Variants in CLCN3 observed in about 807,000 individuals in gnomAD.
The protein encoded by CLCN3 is H(+)/Cl(-) exchange transporter 3.
CLCN3 carries 16 observed loss-of-function variants against 83.4 expected under a neutral mutation model. The observed-to-expected ratio is 0.19, with a 90% CI of 0.13 to 0.29. CLCN3 has a LOEUF of 0.29. Ranked by LOEUF, CLCN3 falls within the 10% of genes least tolerant of loss-of-function variation. The pLI is 1.00. For missense variants in CLCN3, 544 were observed against 1,006.0 expected, an observed-to-expected ratio of 0.54 and a Z score of 6.21; for synonymous variants, 322 against 346.2, an observed-to-expected ratio of 0.93 and a Z score of 0.78.
chr4:169,704,749 CTGTT>C (rs1732925881), intron 10 of CLCN3, among the ~76,000 whole-genome samples: 1 of 152,082 alleles, frequency 6.6e-6, no homozygotes, highest in Admixed American at 6.5e-5. Context: ...TATTTAATGT[CTGTT>C]AGGGCAGGAA....
intron 9 of CLCN3, among the ~76,000 whole-genome samples, chr4:169,703,034 A>C (rs1182727844): frequency 6.6e-6 from 1 of 152,186 alleles, no homozygotes; most frequent in Non-Finnish European, 1.5e-5. Flanking sequence ...CACATACAAC[A>C]CTTATTAAGT....
chr4:169,687,814 TC>T (rs1257054637), intron 4 of CLCN3, 57 bp downstream of exon 4: 9 of 856,672 alleles, frequency 1.1e-5, no homozygotes, highest in Non-Finnish European at 1.6e-5. Flanking sequence ...AAACTGTTCT[TC>T]CCTCCTTCCC....
At chr4:169,669,076 G>A (rs1451869984) in intron 2 of CLCN3, among the ~76,000 whole-genome samples, 1 of 152,160 alleles carries the variant, frequency 6.6e-6, no homozygotes, top group African/African-American at 2.4e-5. Context: ...GAGATACCAA[G>A]TGGGCAAAAC....
chr4:169,713,220 A>C lies in CLCN3; in HGVS notation c.2291A>C (p.Asp764Ala). ...GACATGAGCCCTTTTACAGTGACAGACCACACCCCAATGGAGATCGTGGTG... is the reference window on the plus strand; with the variant it reads ...GACATGAGCCCTTTTACAGTGACAGCCCACACCCCAATGGAGATCGTGGTG... ...ILDMSPFTVTDHTPMEIVVDI... is the reference protein window; with the variant it reads ...ILDMSPFTVTAHTPMEIVVDI... The change falls in exon 12 of 13, where the codon GAC (aspartate) becomes GCC (alanine). Residue 764 changes from aspartate to alanine, a missense_variant. By Grantham distance (126) the Asp-to-Ala change is moderately radical. Coordinates refer to ENST00000513761, the MANE Select transcript of CLCN3 (RefSeq NM_001829.4). The C allele has an allele frequency of 6.2e-7, 1 of 1,614,124 alleles. No individual in the cohort carries two copies. The highest frequency in any genetic ancestry group is 8.5e-7 in the Non-Finnish European group (1 of 1,179,994).
chr4:169,722,184 C>A lies in CLCN3; in HGVS notation c.*2187C>A, dbSNP rs1733660479. The stretch of plus-strand genomic sequence containing the variant: ...TTTACATTTTGAAAGTGATTCTTCA[C>A]TTCCTAGTTCTTAATTATAGTATAC... On this transcript the variant is annotated 3_prime_UTR_variant, in exon 13 of 13. Coordinates refer to ENST00000513761, the MANE Select transcript of CLCN3 (RefSeq NM_001829.4). 1.3e-5 allele frequency: 2 copies of A among 152,206 alleles called. No homozygotes were observed. Among genetic ancestry groups the A allele is most frequent in the African/African-American group, 2.4e-5 (1 of 41,452 alleles). The allele number at this position is 152,206 out of a possible 1,614,324, so 9.4% of individuals were successfully genotyped here.
chr4:169,658,110 C>G (rs1730939976), intron 2 of CLCN3, among the ~76,000 whole-genome samples: 1 of 152,046 alleles, frequency 6.6e-6, no homozygotes, highest in Non-Finnish European at 1.5e-5. Context: ...TTTGTTTAAA[C>G]AGTGTGGAAT....
At chr4:169,679,515 A>G (rs1373352545) in intron 2 of CLCN3, among the ~76,000 whole-genome samples, 6 of 152,290 alleles carry the variant, frequency 3.9e-5, no homozygotes, top group East Asian at 1.9e-4. Context: ...CTGCAATCTC[A>G]GCACTTTGGG....
intron 5 of CLCN3, among the ~76,000 whole-genome samples, chr4:169,689,614 AG>A (rs1337219340): frequency 2.0e-5 from 3 of 152,246 alleles, no homozygotes; most frequent in African/African-American, 7.2e-5. Context: ...CAACCTACGT[AG>A]AGATACATTG....
chr4:169,626,804 C>G (rs1307781765), intron 1 of CLCN3, among the ~76,000 whole-genome samples: 1 of 152,100 alleles, frequency 6.6e-6, no homozygotes, highest in East Asian at 1.9e-4. Context: ...ATAGTGAAAT[C>G]CTGTCTCTAC....
At chr4:169,637,107 A>G (rs922193504) in intron 2 of CLCN3, among the ~76,000 whole-genome samples, 2 of 151,988 alleles carry the variant, frequency 1.3e-5, no homozygotes, top group Admixed American at 6.6e-5. Context: ...ATTTATGTTT[A>G]CTTGATGATT....
chr4:169,708,884 T>C (rs1733090306), intron 11 of CLCN3, among the ~76,000 whole-genome samples: 1 of 151,218 alleles, frequency 6.6e-6, no homozygotes, highest in Non-Finnish European at 1.5e-5. Context: ...TGTATGTTTT[T>C]GTAAAGTTTT....
At chr4:169,663,532 GTC>G (rs1731140911) in intron 2 of CLCN3, 1 of 296,420 alleles carries the variant, frequency 3.4e-6, no homozygotes, top group African/African-American at 2.4e-5. Context: ...TTTAGGGAGA[GTC>G]TCACTATGTT....
intron 12 of CLCN3, among the ~76,000 whole-genome samples, chr4:169,716,588 T>A (rs939527666): frequency 7.9e-5 from 12 of 152,168 alleles, no homozygotes; most frequent in South Asian, 4.1e-4. Flanking sequence ...TTATATATAG[T>A]GCATTTTCTG....
At chr4:169,625,875 G>C (rs1366310147) in intron 1 of CLCN3, among the ~76,000 whole-genome samples, 1 of 152,168 alleles carries the variant, frequency 6.6e-6, no homozygotes, top group African/African-American at 2.4e-5. Flanking sequence ...TAACACAGAA[G>C]ACTTCTGTGA....
In CLCN3 at chr4:169,723,570, G is replaced by A. The variant is rs1185329748; in HGVS notation, c.*3573G>A. 2.0e-5 allele frequency: 3 copies of A among 152,046 alleles called. No homozygotes were observed. Among genetic ancestry groups the A allele is most frequent in the Non-Finnish European group, 2.9e-5 (2 of 68,032 alleles). The allele number at this position is 152,046 out of a possible 1,614,324, so 9.4% of individuals were successfully genotyped here. A position where few individuals can be genotyped will look rare whatever the true frequency, so the allele number is the denominator to read the frequency against. ...TACATGTCTTTAAAAAATCACCTTG[G>A]ACATTTGCTAATAGAACTGCCAAAA... On this transcript the variant is annotated 3_prime_UTR_variant, in exon 13 of 13. Coordinates refer to ENST00000513761, the MANE Select transcript of CLCN3 (RefSeq NM_001829.4).
At position 169,721,497 on chromosome 4, in the gene CLCN3, G is replaced by C. The variant is rs78391573; in HGVS notation, c.*1500G>C. 1 of 151,848 alleles carries C rather than the reference G, an allele frequency of 6.6e-6. No individual in the cohort carries two copies. The highest frequency in any genetic ancestry group is 2.4e-5 in the African/African-American group (1 of 41,314). 9.4% of individuals were successfully genotyped at this position (151,848 alleles called of 1,614,324 possible). On this transcript the variant is annotated 3_prime_UTR_variant, in exon 13 of 13. Transcript: ENST00000513761. ...AAAGTTGAAAAACTACATTACTTTGGAGAATAAAACCGAAAGTTCGTGTAT... is the reference window on the plus strand; with the variant it reads ...AAAGTTGAAAAACTACATTACTTTGCAGAATAAAACCGAAAGTTCGTGTAT...
intron 2 of CLCN3, among the ~76,000 whole-genome samples, chr4:169,672,072 C>T (rs1327596044): frequency 4.0e-5 from 6 of 151,828 alleles, no homozygotes; most frequent in South Asian, 2.1e-4. Context: ...ATTAGCCGGG[C>T]GTGGTGGTGG....
At position 169,675,072 on chromosome 4, in the gene CLCN3, G is replaced by A. The variant is rs369586895; in HGVS notation, c.161-4978G>A. Among the ~76,000 whole-genome samples, 6 of 152,324 alleles carry A rather than the reference G, an allele frequency of 3.9e-5. No homozygotes were observed. The East Asian group carries it at 1.2e-3, about 29-fold the overall frequency. On this transcript the variant is annotated intron_variant, in intron 2 of 12. Transcript: ENST00000513761. ...GGCAGGCATTTAAATGTAATAAATAGGGAGATAAGCAAGAACCCTGTTGGA... is the reference window on the plus strand; with the variant it reads ...GGCAGGCATTTAAATGTAATAAATAAGGAGATAAGCAAGAACCCTGTTGGA...
chr4:169,675,145 T>A (rs1265864527), intron 2 of CLCN3, among the ~76,000 whole-genome samples: 1 of 152,222 alleles, frequency 6.6e-6, no homozygotes. Context: ...GTTTAAAATA[T>A]TAGCGCCTTC....
Sources: allele counts gnomAD v4.1 joint callset (sites outside exome capture counted in the v4.1 genomes callset), GRCh38; gene constraint gnomAD v4.1.1; transcripts MANE v1.5; gene names NCBI Gene and HGNC (gene_info 2026-07-23, HGNC 2026-07-21).